MFSD6: variants seen among roughly 807,000 people sequenced by gnomAD.
MFSD6 encodes the protein major facilitator superfamily domain-containing protein 6.
In MFSD6, 26 loss-of-function variants were observed where a neutral mutation model predicts 56.3. The ratio of observed to expected loss-of-function variants is 0.46; its 90% CI spans 0.34 to 0.64. MFSD6 has a LOEUF of 0.64. Ranked by LOEUF, MFSD6 falls within the 30% of genes least tolerant of loss-of-function variation. The probability of loss-of-function intolerance (pLI) is 0.01; values close to 1 mark genes in which losing one functional copy is unlikely to be tolerated. For missense variants in MFSD6, 750 were observed against 986.2 expected, an observed-to-expected ratio of 0.76 and a Z score of 3.21; for synonymous variants, 331 against 366.9, an observed-to-expected ratio of 0.90 and a Z score of 1.12.
chr2:190,470,991 A>G (rs1323163902), intron 4 of MFSD6, among the ~76,000 whole-genome samples: 3 of 152,174 alleles, frequency 2.0e-5, no homozygotes, highest in African/African-American at 4.8e-5. Context: ...AAATATATAG[A>G]AAATGGAAAC....
Position 190,477,276 on chromosome 2 carries a change from A to G in MFSD6, c.1630+7421A>G, listed in dbSNP as rs1262211292. ...TCAATAACAAGGTAATATGCAACAC[A>G]GTTCTTAGGATTTCCCACCTCTGGT... On this transcript the variant is annotated intron_variant, in intron 4 of 7. Transcript: ENST00000392328. 7 of 984,480 alleles carry G rather than the reference A, an allele frequency of 7.1e-6. No individual in the cohort carries two copies. The South Asian group carries it at 2.4e-4, about 33-fold the overall frequency. The allele number at this position is 984,480 out of a possible 1,614,324, so 61.0% of individuals were successfully genotyped here.
rs1176072164 is a variant in MFSD6, at chr2:190,437,280, A to C, written c.1251A>C (p.Thr417=). Residue 417 remains threonine, a synonymous_variant, in exon 3 of 8, where the codon ACA becomes ACC. Transcript: ENST00000392328. This position sits in a 1 kb window ranked among gnomAD's most constrained non-coding sequence, Gnocchi z 5.9. The part of the protein sequence containing the change: ...EIPQVERNNS[T]ESSEETPTTT... ...CGCAGGTGGAAAGGAACAACTCTAC[A>C]GAGTCCTCTGAGGAGACACCAACCA... The C allele has an allele frequency of 1.2e-6, 2 of 1,614,114 alleles. No individual in the cohort carries two copies. Among genetic ancestry groups the C allele is most frequent in the African/African-American group, 1.3e-5 (1 of 74,934 alleles).
Position 190,489,869 on chromosome 2 carries a change from A to G in MFSD6, c.1891+3A>G, listed in dbSNP as rs768112250. On this transcript the variant is annotated splice_donor_region_variant and intron_variant, in intron 6 of 7. Coordinates refer to ENST00000392328, the MANE Select transcript of MFSD6 (RefSeq NM_017694.4). The surrounding 1 kb of genome is among the most constrained non-coding windows in gnomAD (Gnocchi z 6.6). The stretch of plus-strand genomic sequence containing the variant: ...GGCAGTGCCAGATGAGGAAGAAGGT[A>G]ATTATTTCCATTCTTTCTTAATATT... 17 of 1,612,286 alleles carry G rather than the reference A, an allele frequency of 1.1e-5. No individual in the cohort carries two copies. The highest frequency in any genetic ancestry group is 1.4e-5 in the Non-Finnish European group (17 of 1,178,718).
At chr2:190,446,153 T>G (rs548875054) in intron 3 of MFSD6, among the ~76,000 whole-genome samples, 5 of 152,160 alleles carry the variant, frequency 3.3e-5, no homozygotes, top group Non-Finnish European at 7.4e-5. Flanking sequence ...GATTCTCCCC[T>G]GTCTTGTGGT....
rs1687109080 is a variant in MFSD6, at chr2:190,457,539, A to C, written c.1533-12219A>C. Among the ~76,000 whole-genome samples the C allele has an allele frequency of 6.6e-6, 1 of 152,204 alleles. No homozygotes were observed. Among genetic ancestry groups the C allele is most frequent in the Admixed American group, 6.5e-5 (1 of 15,282 alleles). On this transcript the variant is annotated intron_variant, in intron 3 of 7. Transcript: ENST00000392328. The surrounding 1 kb of genome is among the most constrained non-coding windows in gnomAD (Gnocchi z 5.1). ...TTTATGATAGCAGTTGCTGGGATCT[A>C]CATAGAGAATTTTATTTCCTTGAAG...
At chr2:190,478,899 A>C (rs1006568213) in intron 4 of MFSD6, among the ~76,000 whole-genome samples, 1 of 151,932 alleles carries the variant, frequency 6.6e-6, no homozygotes, top group South Asian at 2.1e-4. Flanking sequence ...CCAAAACACC[A>C]CGAGAACTAG....
At chr2:190,427,334 C>A (rs1443409806) in intron 2 of MFSD6, among the ~76,000 whole-genome samples, 1 of 152,186 alleles carries the variant, frequency 6.6e-6, no homozygotes, top group Non-Finnish European at 1.5e-5. Flanking sequence ...ATTGTAGGCT[C>A]CCTGCTCAGC....
chr2:190,408,555 C>T (rs1690402455), intron 1 of MFSD6, 52 bp downstream of exon 1: 1 of 151,756 alleles, frequency 6.6e-6, no homozygotes, highest in African/African-American at 2.4e-5. Context: ...GCCCTGGCCT[C>T]CCCCGCCCCG....
Position 190,499,858 on chromosome 2 carries a change from T to C in MFSD6, c.2173-157T>C. 6.5e-7 allele frequency: 1 copy of C among 1,549,380 alleles called. No individual in the cohort carries two copies. The highest frequency in any genetic ancestry group is 1.2e-5 in the South Asian group (1 of 83,318). On this transcript the variant is annotated intron_variant, in intron 7 of 7. Coordinates refer to ENST00000392328, the MANE Select transcript of MFSD6 (RefSeq NM_017694.4). This position sits in a 1 kb window ranked among gnomAD's most constrained non-coding sequence, Gnocchi z 6.0. ...TGCACATAGGAAAGGAGATGAAAGG[T>C]AAGACATTCTATCCTTATTCCTCTA... is the stretch of plus-strand genomic sequence containing the variant.
rs1247855279 is a variant in MFSD6, at chr2:190,416,718, C to T, written c.-54+1305C>T. 6.6e-6 allele frequency among the ~76,000 whole-genome samples: 1 copy of T among 152,138 alleles called. No homozygotes were observed. Among genetic ancestry groups the T allele is most frequent in the Admixed American group, 6.5e-5 (1 of 15,274 alleles). ...ACAACTACCAGCAACACCAAATGTT[C>T]ATATGTTGCTTTTAGATTAACAGAA... On this transcript the variant is annotated intron_variant, in intron 2 of 7. Transcript: ENST00000392328. This position sits in a 1 kb window ranked among gnomAD's most constrained non-coding sequence, Gnocchi z 4.1.
In MFSD6 at chr2:190,412,709, A is replaced by AT; in HGVS notation, c.-175-2579dup. Reference sequence around the variant, plus strand: ...GTCTGTTCCCATTTACTCTACTGGCATTTTGGGGGTGAGAGGGGCTTGTGT... The same window carrying AT: ...GTCTGTTCCCATTTACTCTACTGGCATTTTTGGGGGTGAGAGGGGCTTGTGT... On this transcript the variant is annotated intron_variant, in intron 1 of 7. Coordinates refer to ENST00000392328, the MANE Select transcript of MFSD6 (RefSeq NM_017694.4). This position sits in a 1 kb window ranked among gnomAD's most constrained non-coding sequence, Gnocchi z 4.1. 1 of 790,766 alleles carries AT rather than the reference A, an allele frequency of 1.3e-6. No homozygotes were observed. Among genetic ancestry groups the AT allele is most frequent in the Non-Finnish European group, 1.5e-6 (1 of 652,656 alleles). 49.0% of individuals were successfully genotyped at this position (790,766 alleles called of 1,614,324 possible). A position where few individuals can be genotyped will look rare whatever the true frequency, so the allele number is the denominator to read the frequency against.
chr2:190,429,667 A>G lies in MFSD6; in HGVS notation c.-53-6310A>G, dbSNP rs911212060. 2.0e-5 allele frequency among the ~76,000 whole-genome samples: 3 copies of G among 152,150 alleles called. No homozygotes were observed. In the East Asian group the frequency reaches 5.8e-4, roughly 29 times the overall value. On this transcript the variant is annotated intron_variant, in intron 2 of 7. Transcript: ENST00000392328. The stretch of plus-strand genomic sequence containing the variant: ...ATTATTTTTTCTTCTTTAATGTTTA[A>G]TATACTCTGTGTCTTATTTAGTAAA...
chr2:190,476,795 G>A (rs1252730870), intron 4 of MFSD6, among the ~76,000 whole-genome samples: 2 of 152,032 alleles, frequency 1.3e-5, no homozygotes, highest in Admixed American at 1.3e-4. Context: ...CAAAGACTTG[G>A]AACCAACCCA....
chr2:190,419,296 A>G lies in MFSD6; in HGVS notation c.-54+3883A>G, dbSNP rs1454357974. On this transcript the variant is annotated intron_variant, in intron 2 of 7. Coordinates refer to ENST00000392328, the MANE Select transcript of MFSD6 (RefSeq NM_017694.4). ...CTTTTACAGTAGTTTCCCTGTGTCTATACTGGTCATAATTGCAGCAGTATG... is the reference window on the plus strand; with the variant it reads ...CTTTTACAGTAGTTTCCCTGTGTCTGTACTGGTCATAATTGCAGCAGTATG... Among the ~76,000 whole-genome samples, 5 of 152,342 alleles carry G rather than the reference A, an allele frequency of 3.3e-5. No homozygotes were observed. The East Asian group carries it at 7.7e-4, about 24-fold the overall frequency.
At chr2:190,466,355 A>G (rs2125132498) in intron 3 of MFSD6, among the ~76,000 whole-genome samples, 1 of 152,194 alleles carries the variant, frequency 6.6e-6, no homozygotes, top group East Asian at 1.9e-4. Flanking sequence ...TTCAGTGACT[A>G]TTCAGTAAAT....
chr2:190,447,143 G>A lies in MFSD6; in HGVS notation c.1532+9582G>A, dbSNP rs953893858. ...ACACACAAAATATAAAAATATTAGC[G>A]CACTCAAGGTGTCTGACATGGAATT... On this transcript the variant is annotated intron_variant, in intron 3 of 7. Coordinates refer to ENST00000392328, the MANE Select transcript of MFSD6 (RefSeq NM_017694.4). The surrounding 1 kb of genome is among the most constrained non-coding windows in gnomAD (Gnocchi z 4.5). 3.3e-5 allele frequency among the ~76,000 whole-genome samples: 5 copies of A among 151,798 alleles called. No homozygotes were observed. Among genetic ancestry groups the A allele is most frequent in the South Asian group, 2.1e-4 (1 of 4,830 alleles).
chr2:190,418,135 C>G lies in MFSD6; in HGVS notation c.-54+2722C>G, dbSNP rs1426453797. ...ATTGAGAGTCAGTACCTGCTAAGAG[C>G]AGCACTGCTACTCATTCCCTATGTG... is the stretch of plus-strand genomic sequence containing the variant. On this transcript the variant is annotated intron_variant, in intron 2 of 7. Coordinates refer to ENST00000392328, the MANE Select transcript of MFSD6 (RefSeq NM_017694.4). The surrounding 1 kb of genome is among the most constrained non-coding windows in gnomAD (Gnocchi z 4.1). Among the ~76,000 whole-genome samples, 1 of 152,096 alleles carries G rather than the reference C, an allele frequency of 6.6e-6. No individual in the cohort carries two copies. The highest frequency in any genetic ancestry group is 6.6e-5 in the Admixed American group (1 of 15,264).
chr2:190,422,597 T>G (rs553044795), intron 2 of MFSD6, among the ~76,000 whole-genome samples: 2 of 152,312 alleles, frequency 1.3e-5, no homozygotes, highest in East Asian at 3.9e-4. Flanking sequence ...TGATGCTTAT[T>G]ATGTGAAATA....
Position 190,443,687 on chromosome 2 carries a change from C to G in MFSD6, c.1532+6126C>G, listed in dbSNP as rs1193759263. 1.3e-5 allele frequency among the ~76,000 whole-genome samples: 2 copies of G among 152,126 alleles called. No individual in the cohort carries two copies. The highest frequency in any genetic ancestry group is 2.9e-5 in the Non-Finnish European group (2 of 68,024). On this transcript the variant is annotated intron_variant, in intron 3 of 7. Coordinates refer to ENST00000392328, the MANE Select transcript of MFSD6 (RefSeq NM_017694.4). This position sits in a 1 kb window ranked among gnomAD's most constrained non-coding sequence, Gnocchi z 4.2. ...ATTTTCAAATGAAATGGAGTTATATCAAATTGGAAGTGCACTCCTGATACA... is the reference window on the plus strand; with the variant it reads ...ATTTTCAAATGAAATGGAGTTATATGAAATTGGAAGTGCACTCCTGATACA...
Sources: allele counts gnomAD v4.1 joint callset (sites outside exome capture counted in the v4.1 genomes callset), GRCh38; gene constraint gnomAD v4.1.1; non-coding constraint Gnocchi (gnomAD v3.1); transcripts MANE v1.5; gene names NCBI Gene and HGNC (gene_info 2026-07-23, HGNC 2026-07-21).